The following GLI3 variants were observed in gnomAD, a reference collection of about 807,000 sequenced individuals.
The protein encoded by GLI3 is transcription activator GLI3.
In GLI3, 20 loss-of-function variants were observed where a neutral mutation model predicts 100.8. The ratio of observed to expected loss-of-function variants is 0.20; its 90% CI spans 0.14 to 0.29. The LOEUF is 0.29. GLI3 is among the 10% of genes least tolerant of loss of function. GLI3 has a pLI of 1.00. For synonymous variants in GLI3, 938 were observed against 860.5 expected (o/e 1.09, Z -1.58); for missense variants, 2,040 against 2,128.5 (o/e 0.96, Z 0.82).
intron 1 of GLI3, among the ~76,000 whole-genome samples, chr7:42,244,071 T>G (rs1469140901): frequency 6.6e-6 from 1 of 152,164 alleles, no homozygotes; most frequent in Non-Finnish European, 1.5e-5. Flanking sequence ...TGACCTCAGG[T>G]GATCTGCCCA....
intron 2 of GLI3, among the ~76,000 whole-genome samples, chr7:42,162,691 C>A (rs1787154251): frequency 1.3e-5 from 2 of 152,108 alleles, no homozygotes; most frequent in Non-Finnish European, 2.9e-5. Flanking sequence ...TGCCTGTAGA[C>A]AAAAATAAAA....
chr7:42,175,794 C>G (rs897525128), intron 2 of GLI3, among the ~76,000 whole-genome samples: 1 of 152,116 alleles, frequency 6.6e-6, no homozygotes, highest in Non-Finnish European at 1.5e-5. Flanking sequence ...TAACAACTAC[C>G]GAATATCAGA....
intron 7 of GLI3, among the ~76,000 whole-genome samples, chr7:42,034,327 G>A (rs781481554): frequency 6.6e-6 from 1 of 152,214 alleles, no homozygotes; most frequent in Non-Finnish European, 1.5e-5. Flanking sequence ...TGCCATGTGA[G>A]TAACTGAGTG....
intron 2 of GLI3, among the ~76,000 whole-genome samples, chr7:42,164,037 A>G (rs1196014320): frequency 2.0e-5 from 3 of 152,156 alleles, no homozygotes; most frequent in African/African-American, 4.8e-5. Context: ...TAATGGGTCT[A>G]TCTGGATAGA....
Position 41,965,515 on chromosome 7 carries a change from C to T in GLI3, c.3558G>A (p.Pro1186=), listed in dbSNP as rs747475411. ...TGCAGAACCCAAAGGCGCGAGTCTGCGGCACAGCGGGCCGCGGCCCACACT... is the reference window on the plus strand; with the variant it reads ...TGCAGAACCCAAAGGCGCGAGTCTGTGGCACAGCGGGCCGCGGCCCACACT... ...KLKCGPRPAV[P]QTRAFGFCNG... The change falls in exon 15 of 15, where the codon CCG becomes CCA. Residue 1186 remains proline, a synonymous_variant. Transcript: ENST00000395925. 6.2e-6 allele frequency: 10 copies of T among 1,605,920 alleles called. No individual in the cohort carries two copies. Among genetic ancestry groups the T allele is most frequent in the Admixed American group, 1.7e-5 (1 of 59,850 alleles).
intron 2 of GLI3, among the ~76,000 whole-genome samples, chr7:42,172,126 G>T (rs1486277967): frequency 6.6e-6 from 1 of 152,004 alleles, no homozygotes; most frequent in African/African-American, 2.4e-5. Context: ...AGTGACATGG[G>T]AGTTGGAAAT....
At chr7:42,072,329 A>C (rs1378812580) in intron 4 of GLI3, among the ~76,000 whole-genome samples, 1 of 152,360 alleles carries the variant, frequency 6.6e-6, no homozygotes, top group Middle Eastern at 3.4e-3. Context: ...AAGATTGTAC[A>C]TAAGGGCTAC....
At chr7:42,251,315 G>C (rs186745905) in intron 1 of GLI3, among the ~76,000 whole-genome samples, 8 of 152,308 alleles carry the variant, frequency 5.3e-5, no homozygotes, top group Admixed American at 5.2e-4. Flanking sequence ...CTCACAAGCA[G>C]CACACAACCT....
chr7:42,030,048 T>C (rs1015189939), intron 7 of GLI3, among the ~76,000 whole-genome samples: 2 of 152,164 alleles, frequency 1.3e-5, no homozygotes, highest in African/African-American at 4.8e-5. Flanking sequence ...AGACACTGTT[T>C]ATTACCTTAC....
chr7:41,975,290 T>G (rs7776918), intron 12 of GLI3, among the ~76,000 whole-genome samples: 1 of 152,110 alleles, frequency 6.6e-6, no homozygotes, highest in Non-Finnish European at 1.5e-5. Flanking sequence ...ATAAATAGCT[T>G]TAAGTATTTG....
At chr7:42,212,639 G>T (rs989592486) in intron 2 of GLI3, among the ~76,000 whole-genome samples, 2 of 152,090 alleles carry the variant, frequency 1.3e-5, no homozygotes, top group Non-Finnish European at 2.9e-5. Context: ...CCTAATAGAC[G>T]CTAATGAATT....
chr7:42,188,813 T>C lies in GLI3; in HGVS notation c.124+34317A>G, dbSNP rs117219475. The stretch of plus-strand genomic sequence containing the variant: ...CAAAACTGTGGAGATCACTGTTTGC[T>C]AGGGGTGGTAGGAATGGATGAGTGA... On this transcript the variant is annotated intron_variant, in intron 2 of 14. Transcript: ENST00000395925. 2.2e-3 allele frequency among the ~76,000 whole-genome samples: 335 copies of C among 152,326 alleles called. 6 individuals carry two copies. In the East Asian group the frequency reaches 0.032, roughly 15 times the overall value.
intron 4 of GLI3, among the ~76,000 whole-genome samples, chr7:42,073,546 T>A (rs888377276): frequency 3.9e-5 from 6 of 152,220 alleles, no homozygotes; most frequent in Admixed American, 3.3e-4. Context: ...CTGCACCATA[T>A]CGTTGATGCC....
chr7:42,022,462 T>C (rs1788970909), intron 10 of GLI3, among the ~76,000 whole-genome samples: 1 of 151,796 alleles, frequency 6.6e-6, no homozygotes, highest in South Asian at 2.1e-4. Context: ...AAAAAAAGAA[T>C]GTACCACGAA....
chr7:42,259,812 T>C (rs920698976), intron 1 of GLI3, among the ~76,000 whole-genome samples: 13 of 152,222 alleles, frequency 8.5e-5, no homozygotes, highest in African/African-American at 3.1e-4. Context: ...TGCCTTCCCC[T>C]TTGCTTTTGA....
intron 10 of GLI3, among the ~76,000 whole-genome samples, chr7:42,021,213 C>T (rs1268985962): frequency 6.6e-6 from 1 of 152,126 alleles, no homozygotes; most frequent in Non-Finnish European, 1.5e-5. Flanking sequence ...ATTCTTAATT[C>T]ATTTAATTAA....
intron 2 of GLI3, among the ~76,000 whole-genome samples, chr7:42,177,388 G>C (rs1225298668): frequency 1.3e-5 from 2 of 152,074 alleles, no homozygotes; most frequent in Non-Finnish European, 2.9e-5. Flanking sequence ...AGAAGCTAAG[G>C]GAACTGAAAC....
chr7:42,124,891 G>A (rs1393768634), intron 3 of GLI3, among the ~76,000 whole-genome samples: 7 of 152,156 alleles, frequency 4.6e-5, no homozygotes, highest in South Asian at 2.1e-4. Context: ...AAAATCTAGC[G>A]GTTTGATTTG....
chr7:42,170,488 C>T (rs1234886273), intron 2 of GLI3, among the ~76,000 whole-genome samples: 18 of 148,820 alleles, frequency 1.2e-4, no homozygotes, highest in East Asian at 2.0e-4. Flanking sequence ...CTGCAAGCTC[C>T]GCCTCCTGGG....
Sources: gnomAD v4.1 joint callset for allele counts (sites outside exome capture counted in the v4.1 genomes callset) on GRCh38, gnomAD v4.1.1 for gene constraint, MANE v1.5 for transcripts, NCBI Gene and HGNC (gene_info 2026-07-23, HGNC 2026-07-21) for gene names.